AFAP1: variants seen among roughly 807,000 people sequenced by gnomAD.
AFAP1 encodes actin filament associated protein 1, also known as actin filament-associated protein 1.
Under a neutral mutation model 93.9 loss-of-function variants are expected in AFAP1, and 75 were observed. That is an observed-to-expected ratio of 0.80 (90% CI 0.66 to 0.97). AFAP1 has a LOEUF of 0.97. Among genes scored for constraint, AFAP1 ranks in the 50% least tolerant of loss-of-function variants. The pLI is 0.00. For synonymous variants in AFAP1, 517 were observed against 430.7 expected (o/e 1.20, Z -2.48); for missense variants, 1,201 against 1,050.8 (o/e 1.14, Z -1.98).
chr4:7,784,306 G>A (rs192451066), intron 12 of AFAP1, among the ~76,000 whole-genome samples: 5 of 152,184 alleles, frequency 3.3e-5, no homozygotes, highest in East Asian at 1.9e-4. Context: ...TGTTTGCCCC[G>A]TGCCACCCTG....
At chr4:7,843,038 C>T in intron 5 of AFAP1, 101 bp downstream of exon 5, 3 of 1,339,026 alleles carry the variant, frequency 2.2e-6, no homozygotes, top group Non-Finnish European at 3.1e-6. Context: ...CTGAGTGCTG[C>T]CCTTCCTGCA....
chr4:7,802,975 A>G (rs1719192727), intron 9 of AFAP1, among the ~76,000 whole-genome samples: 1 of 152,262 alleles, frequency 6.6e-6, no homozygotes, highest in Non-Finnish European at 1.5e-5. Context: ...CTACTTAAAA[A>G]GAGAATCAAC....
At chr4:7,920,985 G>C (rs138030147) in intron 1 of AFAP1, among the ~76,000 whole-genome samples, 1 of 150,722 alleles carries the variant, frequency 6.6e-6, no homozygotes, top group Non-Finnish European at 1.5e-5. Context: ...TATTTTTGTA[G>C]GTATACCTAT....
chr4:7,822,194 C>A (rs1318765933), intron 6 of AFAP1, among the ~76,000 whole-genome samples: 1 of 152,180 alleles, frequency 6.6e-6, no homozygotes, highest in Non-Finnish European at 1.5e-5. Flanking sequence ...TGAGCTTCTA[C>A]GTCAAACCCA....
At chr4:7,816,512 T>G (rs770250505) in intron 7 of AFAP1, among the ~76,000 whole-genome samples, 40 of 152,190 alleles carry the variant, frequency 2.6e-4, no homozygotes, top group Admixed American at 5.2e-4. Context: ...CAATAATTAA[T>G]TGGGTGAGTG....
chr4:7,830,900 T>G (rs1271714964), intron 6 of AFAP1, among the ~76,000 whole-genome samples: 1 of 152,204 alleles, frequency 6.6e-6, no homozygotes, highest in Non-Finnish European at 1.5e-5. Flanking sequence ...TGAAAGTATT[T>G]TTTTAAAAGC....
intron 1 of AFAP1, among the ~76,000 whole-genome samples, chr4:7,877,796 T>G (rs1371791986): frequency 2.0e-5 from 3 of 152,112 alleles, no homozygotes; most frequent in South Asian, 2.1e-4. Context: ...CAAATAAAAT[T>G]TAGTCCTCGA....
intron 1 of AFAP1, among the ~76,000 whole-genome samples, chr4:7,923,228 C>A (rs1271628194): frequency 1.3e-5 from 2 of 152,158 alleles, no homozygotes; most frequent in Admixed American, 6.5e-5. Context: ...CATGGCATCA[C>A]CAACTTAAAT....
intron 11 of AFAP1, among the ~76,000 whole-genome samples, chr4:7,792,125 C>T (rs573771891): frequency 3.4e-4 from 52 of 152,266 alleles, no homozygotes; most frequent in African/African-American, 1.2e-3. Flanking sequence ...ACAAGTGGGG[C>T]ACATTTTAAT....
chr4:7,917,735 T>A (rs914919881), intron 1 of AFAP1, among the ~76,000 whole-genome samples: 1 of 152,116 alleles, frequency 6.6e-6, no homozygotes, highest in Non-Finnish European at 1.5e-5. Flanking sequence ...TGTGATCACA[T>A]CAATCCCACC....
In AFAP1 at chr4:7,761,112, A is replaced by G. The variant is rs1713720296; in HGVS notation, c.*2653T>C. 6.6e-6 allele frequency: 1 copy of G among 152,294 alleles called. No homozygotes were observed. The highest frequency in any genetic ancestry group is 1.5e-5 in the Non-Finnish European group (1 of 68,056). 9.4% of individuals were successfully genotyped at this position (152,294 alleles called of 1,614,324 possible). On this transcript the variant is annotated 3_prime_UTR_variant, in exon 18 of 18. Transcript: ENST00000420658. ...TGACATCACTGTCAGAATTCTGGCA[A>G]GATGGCTCGCGTGTGTCTAATATGT...
rs188599212 is a variant in AFAP1 at position 7,863,430 on chromosome 4, A to G, written c.225+5192T>C. On this transcript the variant is annotated intron_variant, in intron 3 of 17. Transcript: ENST00000420658. ...CGAGACTGCCAAGAAAGAACGAAAG[A>G]ACGAAAGAAAGAAAGAAGGAAAGAA... Among the ~76,000 whole-genome samples, 22 of 152,200 alleles carry G rather than the reference A, an allele frequency of 1.4e-4. No individual in the cohort carries two copies. The East Asian group carries it at 4.1e-3, about 28-fold the overall frequency.
chr4:7,869,046 AAG>A lies in AFAP1; in HGVS notation c.128-329_128-328del, dbSNP rs780292104. On this transcript the variant is annotated intron_variant, in intron 2 of 17. Transcript: ENST00000420658. ...GGGAAAGAAAAAAGAAAGAAAAGAA[AAG>A]AGAAAGAGAAAGGGAAAGAGAAAAG... 2.2e-4 allele frequency among the ~76,000 whole-genome samples: 33 copies of A among 151,860 alleles called. No homozygotes were observed. In the East Asian group the frequency reaches 3.9e-3, roughly 18 times the overall value.
intron 9 of AFAP1, among the ~76,000 whole-genome samples, chr4:7,801,468 C>T (rs1410019678): frequency 6.6e-6 from 1 of 151,710 alleles, no homozygotes; most frequent in Non-Finnish European, 1.5e-5. Context: ...AGGAAATGGA[C>T]ACTTTTCACT....
intron 1 of AFAP1, among the ~76,000 whole-genome samples, chr4:7,912,668 C>G (rs554559000): frequency 1.3e-5 from 2 of 152,296 alleles, no homozygotes; most frequent in East Asian, 3.9e-4. Flanking sequence ...TTATGTATTA[C>G]AGATGTAAGT....
intron 1 of AFAP1, among the ~76,000 whole-genome samples, chr4:7,935,102 T>C (rs934020580): frequency 6.6e-6 from 1 of 152,208 alleles, no homozygotes; most frequent in Non-Finnish European, 1.5e-5. Context: ...CATTAAACAT[T>C]TGGGATTTCA....
intron 6 of AFAP1, among the ~76,000 whole-genome samples, chr4:7,828,507 AG>A (rs1721628559): frequency 6.6e-6 from 1 of 152,174 alleles, no homozygotes; most frequent in Non-Finnish European, 1.5e-5. Context: ...ATGTAAGTCC[AG>A]TTCTTGCCCC....
At position 7,763,571 on chromosome 4, in the gene AFAP1, T is replaced by G. The variant is rs1222356233; in HGVS notation, c.*194A>C. ...TTGGGAACCAAAGTCTTACATCTTT[T>G]TTAAAGGCGCCATTTTACAGTAGAA... On this transcript the variant is annotated 3_prime_UTR_variant, in exon 18 of 18. Coordinates refer to ENST00000420658, the MANE Select transcript of AFAP1 (RefSeq NM_001134647.2). The G allele has an allele frequency of 1.7e-6, 1 of 600,962 alleles. No homozygotes were observed. The highest frequency in any genetic ancestry group is 1.9e-5 in the African/African-American group (1 of 53,480). The allele number at this position is 600,962 out of a possible 1,614,324, so 37.2% of individuals were successfully genotyped here. A position where few individuals can be genotyped will look rare whatever the true frequency, so the allele number is the denominator to read the frequency against.
At chr4:7,899,636 G>A (rs527912756) in intron 1 of AFAP1, among the ~76,000 whole-genome samples, 3 of 152,286 alleles carry the variant, frequency 2.0e-5, no homozygotes, top group South Asian at 4.1e-4. Flanking sequence ...TCCATCCCCA[G>A]GGCTAGATAA....
Sources: allele counts gnomAD v4.1 joint callset (sites outside exome capture counted in the v4.1 genomes callset), GRCh38; gene constraint gnomAD v4.1.1; transcripts MANE v1.5; gene names NCBI Gene and HGNC (gene_info 2026-07-23, HGNC 2026-07-21).